The following FBXL4 variants were observed in gnomAD, a reference collection of about 807,000 sequenced individuals.
FBXL4 encodes the protein F-box/LRR-repeat protein 4.
Under a neutral mutation model 58.9 loss-of-function variants are expected in FBXL4, and 40 were observed. That is an observed-to-expected ratio of 0.68 (90% CI 0.53 to 0.88). FBXL4 has a LOEUF of 0.88. Ranked by LOEUF, FBXL4 falls within the 40% of genes least tolerant of loss-of-function variation. The probability of loss-of-function intolerance (pLI) is 0.00; values close to 1 mark genes in which losing one functional copy is unlikely to be tolerated. For missense variants in FBXL4, 676 were observed against 734.4 expected, an observed-to-expected ratio of 0.92 and a Z score of 0.92; for synonymous variants, 263 against 265.5, an observed-to-expected ratio of 0.99 and a Z score of 0.09.
chr6:98,903,229 T>C (rs894856134), intron 6 of FBXL4, among the ~76,000 whole-genome samples: 2 of 152,146 alleles, frequency 1.3e-5, no homozygotes, highest in Non-Finnish European at 2.9e-5. Context: ...AAGCCATGCA[T>C]ATTTATTGTT....
Position 98,910,605 on chromosome 6 carries a change from C to T in FBXL4, c.859-4935G>A, listed in dbSNP as rs12664691. Among the ~76,000 whole-genome samples, 49 of 151,058 alleles carry T rather than the reference C, an allele frequency of 3.2e-4. No individual in the cohort carries two copies. The East Asian group carries it at 8.4e-3, about 26-fold the overall frequency. On this transcript the variant is annotated intron_variant, in intron 5 of 9. Transcript: ENST00000369244. ...CCAGGAGGCGGAGCTTGCAGTGAGC[C>T]GAGATGGCACCACTGCACTCCAGCC...
intron 5 of FBXL4, among the ~76,000 whole-genome samples, chr6:98,909,117 T>C (rs535815434): frequency 5.9e-5 from 9 of 152,360 alleles, no homozygotes; most frequent in South Asian, 2.1e-4. Context: ...CTAGGGCATG[T>C]TCTAATTTTT....
intron 6 of FBXL4, among the ~76,000 whole-genome samples, chr6:98,903,442 G>A (rs1771686802): frequency 6.6e-6 from 1 of 152,042 alleles, no homozygotes; most frequent in African/African-American, 2.4e-5. Context: ...TGATTTTACT[G>A]GCTGAAATAC....
In FBXL4 at chr6:98,871,817, T is replaced by A. The variant is rs1300725282; in HGVS notation, c.*2461A>T. 1.3e-5 allele frequency: 2 copies of A among 152,154 alleles called. No homozygotes were observed. Among genetic ancestry groups the A allele is most frequent in the Non-Finnish European group, 2.9e-5 (2 of 68,020 alleles). 9.4% of individuals were successfully genotyped at this position (152,154 alleles called of 1,614,324 possible). ...GAATATGCTGATTTGCCCAACCACA[T>A]TGGCATAATAGTGTTAGTTCTATTG... On this transcript the variant is annotated 3_prime_UTR_variant, in exon 10 of 10. Transcript: ENST00000369244.
rs1772755160 is a variant in FBXL4 at position 98,925,818 on chromosome 6, G to A, written c.512+659C>T. On this transcript the variant is annotated intron_variant, in intron 4 of 9. Transcript: ENST00000369244. ...AAGAAATTCTGGAAAGATACAAAAT[G>A]AGCTGATAAAAGTGGTTTCTTCGAG... Among the ~76,000 whole-genome samples, 9 of 152,176 alleles carry A rather than the reference G, an allele frequency of 5.9e-5. No individual in the cohort carries two copies. The South Asian group carries it at 1.9e-3, about 32-fold the overall frequency.
rs1442029028 is a variant in FBXL4, at chr6:98,874,538, T to A, written c.1703-97A>T. 1.6e-5 allele frequency: 21 copies of A among 1,284,544 alleles called. No homozygotes were observed. In the South Asian group the frequency reaches 3.0e-4, roughly 18 times the overall value. 79.6% of individuals were successfully genotyped at this position (1,284,544 alleles called of 1,614,324 possible). A position where few individuals can be genotyped will look rare whatever the true frequency, so the allele number is the denominator to read the frequency against. On this transcript the variant is annotated intron_variant, in intron 9 of 9. Coordinates refer to ENST00000369244, the MANE Select transcript of FBXL4 (RefSeq NM_001278716.2). ...GAATCCATCCATGATTTATTGTTTGTAATGAACTTAAAATAACCCTTTACA... is the reference window on the plus strand; with the variant it reads ...GAATCCATCCATGATTTATTGTTTGAAATGAACTTAAAATAACCCTTTACA...
intron 4 of FBXL4, among the ~76,000 whole-genome samples, chr6:98,919,743 A>T (rs1311354360): frequency 1.3e-5 from 2 of 152,212 alleles, no homozygotes; most frequent in Non-Finnish European, 2.9e-5. Context: ...AACATCTAAA[A>T]CAATGCTGGT....
chr6:98,901,866 G>A (rs1476370961), intron 6 of FBXL4, among the ~76,000 whole-genome samples: 1 of 152,080 alleles, frequency 6.6e-6, no homozygotes, highest in Non-Finnish European at 1.5e-5. Context: ...ACTTCCTGCA[G>A]TCAATTCATT....
At chr6:98,907,032 A>G (rs1010599933) in intron 5 of FBXL4, among the ~76,000 whole-genome samples, 1 of 151,932 alleles carries the variant, frequency 6.6e-6, no homozygotes, top group African/African-American at 2.4e-5. Flanking sequence ...CTTTCTTGTA[A>G]ATTTGTTTAA....
intron 1 of FBXL4, among the ~76,000 whole-genome samples, chr6:98,942,340 A>C (rs1400542076): frequency 6.6e-6 from 1 of 152,062 alleles, no homozygotes; most frequent in African/African-American, 2.4e-5. Flanking sequence ...AAACAAACAG[A>C]AGAACTACTG....
rs1393000591 is a variant in FBXL4 at position 98,873,941 on chromosome 6, T to C, written c.*337A>G. The stretch of plus-strand genomic sequence containing the variant: ...AAATTAACTTTTTTTTTTGCATAAA[T>C]GCCACGATACTTTATTGCTCAGTGT... On this transcript the variant is annotated 3_prime_UTR_variant, in exon 10 of 10. Coordinates refer to ENST00000369244, the MANE Select transcript of FBXL4 (RefSeq NM_001278716.2). 6.0e-6 allele frequency: 1 copy of C among 167,288 alleles called. No individual in the cohort carries two copies. Among genetic ancestry groups the C allele is most frequent in the Admixed American group, 6.4e-5 (1 of 15,652 alleles). The allele number at this position is 167,288 out of a possible 1,614,324, so 10.4% of individuals were successfully genotyped here.
At chr6:98,942,132 T>C (rs1773455605) in intron 1 of FBXL4, among the ~76,000 whole-genome samples, 1 of 150,396 alleles carries the variant, frequency 6.6e-6, no homozygotes, top group Non-Finnish European at 1.5e-5. Context: ...AAATAAAAAA[T>C]ATTCTAGATA....
rs573981357 is a variant in FBXL4 at position 98,873,353 on chromosome 6, T to C, written c.*925A>G. ...ATATATATTATCTATAATATGTATATATAATGTGTATATATAATATATATC... is the reference window on the plus strand; with the variant it reads ...ATATATATTATCTATAATATGTATACATAATGTGTATATATAATATATATC... On this transcript the variant is annotated 3_prime_UTR_variant, in exon 10 of 10. Coordinates refer to ENST00000369244, the MANE Select transcript of FBXL4 (RefSeq NM_001278716.2). 6.7e-6 allele frequency: 1 copy of C among 148,300 alleles called. No individual in the cohort carries two copies. Among genetic ancestry groups the C allele is most frequent in the Non-Finnish European group, 1.5e-5 (1 of 67,286 alleles). The allele number at this position is 148,300 out of a possible 1,614,324, so 9.2% of individuals were successfully genotyped here.
At chr6:98,913,991 C>T (rs549788572) in intron 5 of FBXL4, among the ~76,000 whole-genome samples, 6 of 152,272 alleles carry the variant, frequency 3.9e-5, no homozygotes, top group South Asian at 2.1e-4. Flanking sequence ...GATATCACCA[C>T]CGATCCCACA....
intron 4 of FBXL4, among the ~76,000 whole-genome samples, chr6:98,925,903 T>C (rs1286558622): frequency 1.3e-5 from 2 of 152,186 alleles, no homozygotes; most frequent in African/African-American, 2.4e-5. Context: ...ATTATATTAA[T>C]ATTTTGTAAA....
rs1172090729 is a variant in FBXL4, at chr6:98,909,007, A to ATT, written c.859-3338_859-3337insAA. ...TGAGTATTTTCATATTTTTAGGCAA[A>ATT]CTTCAATTTTAAAAAATTCTGTTTG... On this transcript the variant is annotated intron_variant, in intron 5 of 9. Transcript: ENST00000369244. 7.9e-5 allele frequency among the ~76,000 whole-genome samples: 6 copies of ATT among 76,098 alleles called. No homozygotes were observed. In the East Asian group the frequency reaches 2.0e-3, roughly 26 times the overall value. The allele number at this position is 76,098 out of a possible 152,430, so 49.9% of individuals were successfully genotyped here. A position where few individuals can be genotyped will look rare whatever the true frequency, so the allele number is the denominator to read the frequency against.
At chr6:98,901,309 G>A (rs1771602273) in intron 6 of FBXL4, among the ~76,000 whole-genome samples, 1 of 152,024 alleles carries the variant, frequency 6.6e-6, no homozygotes, top group Non-Finnish European at 1.5e-5. Context: ...CTAGGCAAAG[G>A]GAAGGGCAGT....
At chr6:98,896,779 C>T in intron 7 of FBXL4, 1 of 948,008 alleles carries the variant, frequency 1.1e-6, no homozygotes, top group Non-Finnish European at 1.3e-6. Context: ...AATGATTTTA[C>T]ATCTGTATTT....
rs1582358329 is a variant in FBXL4 at position 98,875,178 on chromosome 6, T to G, written c.1702+237A>C. On this transcript the variant is annotated intron_variant, in intron 9 of 9. Coordinates refer to ENST00000369244, the MANE Select transcript of FBXL4 (RefSeq NM_001278716.2). ...GTAGACCAAGAATTAATGGTTATAG[T>G]TTTTTACAGTTTCAACTATAAAATT... 9.8e-6 allele frequency: 5 copies of G among 511,820 alleles called. No individual in the cohort carries two copies. The East Asian group carries it at 1.4e-4, about 15-fold the overall frequency. The allele number at this position is 511,820 out of a possible 1,614,324, so 31.7% of individuals were successfully genotyped here.
Sources: allele counts gnomAD v4.1 joint callset (sites outside exome capture counted in the v4.1 genomes callset), GRCh38; gene constraint gnomAD v4.1.1; transcripts MANE v1.5; gene names NCBI Gene and HGNC (gene_info 2026-07-23, HGNC 2026-07-21).